Variants in SERBP1 observed in about 807,000 individuals in gnomAD.
The protein encoded by SERBP1 is SERPINE1 mRNA-binding protein 1.
SERBP1 carries 6 observed loss-of-function variants against 50.2 expected under a neutral mutation model. That is an observed-to-expected ratio of 0.12 (90% CI 0.07 to 0.24). The LOEUF (loss-of-function observed/expected upper bound fraction) is 0.24, where lower values mean the gene tolerates loss of function less well. Ranked by LOEUF, SERBP1 falls within the 10% of genes least tolerant of loss-of-function variation. SERBP1 has a pLI of 1.00. For synonymous variants in SERBP1, 168 were observed against 182.8 expected, an observed-to-expected ratio of 0.92 and a Z score of 0.65; for missense variants, 346 against 524.9, an observed-to-expected ratio of 0.66 and a Z score of 3.33.
rs1293952842 is a variant in SERBP1 at position 67,411,677 on chromosome 1, T to C, written c.*1530A>G. ...CATAAAAGTTTCTTTTAGAAGTATA[T>C]GTGAGAACCAATCAGCTAAATAGAA... On this transcript the variant is annotated 3_prime_UTR_variant, in exon 8 of 8. Coordinates refer to ENST00000361219, the MANE Select transcript of SERBP1 (RefSeq NM_001018069.2). The C allele has an allele frequency of 1.3e-5, 2 of 152,198 alleles. No individual in the cohort carries two copies. Among genetic ancestry groups the C allele is most frequent in the South Asian group, 2.1e-4 (1 of 4,836 alleles). The allele number at this position is 152,198 out of a possible 1,614,324, so 9.4% of individuals were successfully genotyped here. A position where few individuals can be genotyped will look rare whatever the true frequency, so the allele number is the denominator to read the frequency against.
At chr1:67,424,160 T>A (rs1258006380) in intron 5 of SERBP1, 40 bp downstream of exon 5, 1 of 1,560,944 alleles carries the variant, frequency 6.4e-7, no homozygotes, top group Non-Finnish European at 8.6e-7. Context: ...TCCAGTGCTT[T>A]CAATTCTGGG....
In SERBP1 at chr1:67,425,133, A is replaced by C. The variant is rs201004653; in HGVS notation, c.555T>G (p.Phe185Leu). The stretch of plus-strand genomic sequence containing the variant: ...CAAATTCACGTTTGCCACGAGAATC[A>C]AATCCATCTCCTCGGCCCATTCCAC... Reference protein sequence around the residue: ...RGRGMGRGDGFDSRGKREFDR... With the variant: ...RGRGMGRGDGLDSRGKREFDR... Residue 185 changes from phenylalanine to leucine, a missense_variant, in exon 3 of 8, where the codon TTT becomes TTG. Physicochemically the swap from Phe to Leu is conservative, Grantham distance 22. This residue lies in a region of SERBP1 where 257 missense variants were observed against 331.2 expected (regional missense o/e 0.78). Coordinates refer to ENST00000361219, the MANE Select transcript of SERBP1 (RefSeq NM_001018069.2). The C allele has an allele frequency of 6.1e-5, 99 of 1,611,754 alleles. 1 individual carries two copies. The East Asian group carries it at 1.9e-3, about 30-fold the overall frequency.
chr1:67,419,359 G>C (rs1335695331), intron 6 of SERBP1, among the ~76,000 whole-genome samples: 2 of 152,238 alleles, frequency 1.3e-5, no homozygotes, highest in Non-Finnish European at 2.9e-5. Context: ...AGTTTTGGGA[G>C]AGTCAAAGGT....
intron 1 of SERBP1, 126 bp downstream of exon 1, chr1:67,429,862 A>G: frequency 9.3e-7 from 1 of 1,073,614 alleles, no homozygotes; most frequent in Middle Eastern, 2.2e-4. Flanking sequence ...TCGCGTGAAG[A>G]AACGTGAGGA....
chr1:67,425,981 G>A (rs1264807553), intron 2 of SERBP1, among the ~76,000 whole-genome samples, 154 bp downstream of exon 2: 4 of 152,132 alleles, frequency 2.6e-5, no homozygotes, highest in Admixed American at 2.0e-4. Flanking sequence ...GTGTGGTGGC[G>A]TGACCTTGTA....
rs941527375 is a variant in SERBP1, at chr1:67,430,402, G to C, written c.-102C>G. On this transcript the variant is annotated 5_prime_UTR_variant, in exon 1 of 8. Coordinates refer to ENST00000361219, the MANE Select transcript of SERBP1 (RefSeq NM_001018069.2). The stretch of plus-strand genomic sequence containing the variant: ...CCCACAAGATGGCCGGGCCGAGAGA[G>C]GGGGGCCGTCTTCTCTTCCGGCGCC... 1.6e-5 allele frequency: 21 copies of C among 1,277,184 alleles called. No individual in the cohort carries two copies. The South Asian group carries it at 2.0e-4, about 12-fold the overall frequency. The allele number at this position is 1,277,184 out of a possible 1,614,324, so 79.1% of individuals were successfully genotyped here. A position where few individuals can be genotyped will look rare whatever the true frequency, so the allele number is the denominator to read the frequency against.
At chr1:67,419,018 T>C (rs958047204) in intron 6 of SERBP1, among the ~76,000 whole-genome samples, 2 of 152,194 alleles carry the variant, frequency 1.3e-5, no homozygotes, top group African/African-American at 2.4e-5. Context: ...AACATTCCTC[T>C]AAGAACACAC....
intron 6 of SERBP1, 140 bp downstream of exon 6, chr1:67,419,869 T>C: frequency 1.4e-6 from 1 of 694,548 alleles, no homozygotes; most frequent in Non-Finnish European, 2.4e-6. Context: ...ATTTTCCTTA[T>C]AAAGCAAATT....
At chr1:67,418,635 C>T (rs1416364895) in intron 6 of SERBP1, among the ~76,000 whole-genome samples, 2 of 151,870 alleles carry the variant, frequency 1.3e-5, no homozygotes, top group Non-Finnish European at 2.9e-5. Flanking sequence ...GGCGAGTGTC[C>T]GTAATCCCAG....
intron 7 of SERBP1, 100 bp downstream of exon 7, chr1:67,415,066 A>T: frequency 7.7e-7 from 1 of 1,300,050 alleles, no homozygotes; most frequent in Middle Eastern, 1.9e-4. Flanking sequence ...CACTGCTACT[A>T]CTTCTACTTA....
At chr1:67,421,311 A>G (rs753427304) in intron 5 of SERBP1, among the ~76,000 whole-genome samples, 23 of 152,334 alleles carry the variant, frequency 1.5e-4, no homozygotes, top group East Asian at 5.8e-4. Flanking sequence ...ACCTTTTATC[A>G]TATCATGGAG....
intron 5 of SERBP1, among the ~76,000 whole-genome samples, chr1:67,420,768 C>A (rs1667174383): frequency 1.3e-5 from 2 of 152,128 alleles, no homozygotes. Flanking sequence ...ATTTTCAAAC[C>A]AACCTGTATA....
At chr1:67,413,492 T>C (rs1054346335) in intron 7 of SERBP1, among the ~76,000 whole-genome samples, 2 of 151,772 alleles carry the variant, frequency 1.3e-5, no homozygotes, top group Non-Finnish European at 2.9e-5. Flanking sequence ...GTACTAAAAA[T>C]ATAAACAATT....
chr1:67,429,722 AGCTCATCTCCGACCAC>A (rs1220269052), intron 1 of SERBP1: 1 of 356,140 alleles, frequency 2.8e-6, no homozygotes, highest in Non-Finnish European at 5.1e-6. Flanking sequence ...CTCGAGGAGC[AGCTCATCTCCGACCAC>A]GCTCCTCTGC....
chr1:67,420,119 T>C lies in SERBP1; in HGVS notation c.841A>G (p.Ile281Val). The C allele has an allele frequency of 6.2e-7, 1 of 1,613,774 alleles. No individual in the cohort carries two copies. Among genetic ancestry groups the C allele is most frequent in the Non-Finnish European group, 8.5e-7 (1 of 1,179,760 alleles). The change falls in exon 6 of 8, where the codon ATT becomes GTT. Residue 281 changes from isoleucine to valine, a missense_variant. Physicochemically the swap from Ile to Val is conservative, Grantham distance 29 (BLOSUM62 3). Transcript: ENST00000361219. ...ACTTTTGCCCGGTCCTTATTTTGAA[T>C]AGCCTTCCACTCATCCAAAGTCATC... ...KEMTLDEWKAIQNKDRAKVEF... is the reference protein window; with the variant it reads ...KEMTLDEWKAVQNKDRAKVEF...
At chr1:67,422,884 C>G (rs1421712200) in intron 5 of SERBP1, among the ~76,000 whole-genome samples, 1 of 151,960 alleles carries the variant, frequency 6.6e-6, no homozygotes, top group Non-Finnish European at 1.5e-5. Flanking sequence ...TCGTTTGAAC[C>G]CAGGGGGCGG....
intron 1 of SERBP1, 118 bp downstream of exon 1, chr1:67,429,867 TGAG>T: frequency 1.8e-6 from 2 of 1,103,000 alleles, no homozygotes; most frequent in African/African-American, 1.6e-5. Context: ...TGAAGAAACG[TGAG>T]GATATAGGCG....
intron 1 of SERBP1, among the ~76,000 whole-genome samples, chr1:67,427,730 C>T (rs1018965143): frequency 4.6e-5 from 7 of 152,190 alleles, no homozygotes; most frequent in Non-Finnish European, 1.0e-4. Flanking sequence ...CACCCAATAT[C>T]AAGTTTACAG....
At chr1:67,414,838 T>C (rs948490938) in intron 7 of SERBP1, among the ~76,000 whole-genome samples, 12 of 152,188 alleles carry the variant, frequency 7.9e-5, no homozygotes, top group Admixed American at 2.6e-4. Flanking sequence ...GTTAACCTGA[T>C]TCACTATACC....
Sources: gnomAD v4.1 joint callset for allele counts (sites outside exome capture counted in the v4.1 genomes callset) on GRCh38, gnomAD v4.1.1 for gene constraint, gnomAD v4.1.1 regional missense constraint, MANE v1.5 for transcripts, NCBI Gene and HGNC (gene_info 2026-07-23, HGNC 2026-07-21) for gene names.